ASAP3: variants seen among roughly 807,000 people sequenced by gnomAD.
ASAP3 encodes ArfGAP with SH3 domain, ankyrin repeat and PH domain 3.
A neutral mutation model predicts 118.2 loss-of-function variants in ASAP3; 85 were observed. The observed-to-expected ratio is 0.72, with a 90% CI of 0.60 to 0.86. ASAP3 has a LOEUF of 0.86. ASAP3 is among the 40% of genes least tolerant of loss of function. The pLI, the probability that ASAP3 is intolerant of heterozygous loss-of-function variation, is 0.00. For missense variants in ASAP3, 1,026 were observed against 1,175.0 expected (o/e 0.87, Z 1.85); for synonymous variants, 432 against 477.4 (o/e 0.90, Z 1.24).
intron 1 of ASAP3, among the ~76,000 whole-genome samples, chr1:23,482,579 C>G (rs540588543): frequency 1.3e-5 from 2 of 152,184 alleles, no homozygotes; most frequent in African/African-American, 4.8e-5. Context: ...CATTATTACC[C>G]CCATTCCACA....
At position 23,479,297 on chromosome 1, in the gene ASAP3, C is replaced by CA. The variant is rs1642233501; in HGVS notation, c.129+4707dup. Among the ~76,000 whole-genome samples the CA allele has an allele frequency of 2.0e-5, 3 of 152,138 alleles. No individual in the cohort carries two copies. The South Asian group carries it at 6.2e-4, about 32-fold the overall frequency. On this transcript the variant is annotated intron_variant, in intron 1 of 24. Transcript: ENST00000336689. ...AGAGGGAAGCAGAGGCAGGAGAGAA[C>CA]AAGAATGACGAAGCAGCTGCCTTAG... is the stretch of plus-strand genomic sequence containing the variant.
In ASAP3 at chr1:23,429,867, A is replaced by G; in HGVS notation, c.2701T>C (p.Leu901=). 2 of 1,613,774 alleles carry G rather than the reference A, an allele frequency of 1.2e-6. No homozygotes were observed. Among genetic ancestry groups the G allele is most frequent in the Non-Finnish European group, 1.7e-6 (2 of 1,179,848 alleles). The stretch of plus-strand genomic sequence containing the variant: ...GGGCCAGCAAGGAGCTAGTCTTGCA[A>G]AAGTTGCACAGAACTTGCTGGGAGA... The part of the protein sequence containing the change: ...GSLPASSVQL[L]QD The change falls in exon 25 of 25, where the codon TTG becomes CTG. Residue 901 remains leucine (L), a synonymous_variant. Coordinates refer to ENST00000336689, the MANE Select transcript of ASAP3 (RefSeq NM_017707.4).
chr1:23,439,263 C>T (rs1433307937), intron 10 of ASAP3, 33 bp from the exon 11 acceptor site: 1 of 1,605,942 alleles, frequency 6.2e-7, no homozygotes, highest in Non-Finnish European at 8.5e-7. Flanking sequence ...GACAGTGACC[C>T]AAGGCTCACA....
chr1:23,459,531 C>T (rs1641499704), intron 1 of ASAP3, among the ~76,000 whole-genome samples: 1 of 152,190 alleles, frequency 6.6e-6, no homozygotes, highest in East Asian at 1.9e-4. Context: ...GATTCTCTCT[C>T]CAAGGACTTT....
chr1:23,434,728 C>A (rs999001629), intron 17 of ASAP3, 110 bp from the exon 18 acceptor site: 18 of 1,058,278 alleles, frequency 1.7e-5, no homozygotes, highest in Non-Finnish European at 2.5e-5. Flanking sequence ...AGGAAGCTGC[C>A]AGAACCCTGG....
intron 1 of ASAP3, among the ~76,000 whole-genome samples, chr1:23,466,815 T>C (rs1641783714): frequency 6.6e-6 from 1 of 152,344 alleles, no homozygotes; most frequent in Non-Finnish European, 1.5e-5. Context: ...ACCATTATAA[T>C]ATAGTACATA....
Position 23,437,803 on chromosome 1 carries a change from GC to G in ASAP3, c.1103-332del, listed in dbSNP as rs896295085. On this transcript the variant is annotated intron_variant, in intron 12 of 24. Coordinates refer to ENST00000336689, the MANE Select transcript of ASAP3 (RefSeq NM_017707.4). This position sits in a 1 kb window ranked among gnomAD's most constrained non-coding sequence, Gnocchi z 6.1. ...GAACCAACTGTCACCACCCCACTGG[GC>G]CCTTCCTGGTCTCCTCCTGGGCGAC... Among the ~76,000 whole-genome samples the G allele has an allele frequency of 2.0e-5, 3 of 151,994 alleles. No individual in the cohort carries two copies. The highest frequency in any genetic ancestry group is 4.8e-5 in the African/African-American group (2 of 41,394).
intron 7 of ASAP3, 112 bp from the exon 8 acceptor site, chr1:23,441,842 T>C: frequency 8.8e-7 from 1 of 1,141,874 alleles, no homozygotes; most frequent in Non-Finnish European, 1.3e-6. Context: ...CAGGGAATTG[T>C]AGTCTGACGG....
intron 4 of ASAP3, 95 bp from the exon 5 acceptor site, chr1:23,451,623 C>T: frequency 7.4e-7 from 1 of 1,355,134 alleles, no homozygotes; most frequent in Admixed American, 1.8e-5. Context: ...TGCTAGTGTG[C>T]TCCCCTGAGC....
In ASAP3 at chr1:23,431,402, G is replaced by A. The variant is rs565238023; in HGVS notation, c.2547-277C>T. ...ATCCTGGGTTGGAGGTGGGGACAGA[G>A]TGAAGACCCCACTGAGAGCCTCTAG... On this transcript the variant is annotated intron_variant, in intron 23 of 24. Transcript: ENST00000336689. Among the ~76,000 whole-genome samples the A allele has an allele frequency of 4.6e-5, 7 of 152,360 alleles. No homozygotes were observed. The South Asian group carries it at 1.4e-3, about 32-fold the overall frequency.
Position 23,436,564 on chromosome 1 carries a change from C to T in ASAP3, c.1567G>A (p.Asp523Asn). 6.2e-7 allele frequency: 1 copy of T among 1,614,160 alleles called. No individual in the cohort carries two copies. Among genetic ancestry groups the T allele is most frequent in the Non-Finnish European group, 8.5e-7 (1 of 1,179,958 alleles). Residue 523 changes from aspartate (D) to asparagine (N), a missense_variant, in exon 16 of 25, where the codon GAC (aspartate) becomes AAC (asparagine). Transcript: ENST00000336689. The surrounding 1 kb of genome is among the most constrained non-coding windows in gnomAD (Gnocchi z 4.2). Reference protein sequence around the residue: ...HGGPKPSAESDMGTRRDYIMA... With the variant: ...HGGPKPSAESNMGTRRDYIMA... ...TCTCTCTGAGAATCCCCTTACATGT[C>T]ACTCTCAGCTGAGGGTTTAGGGCCG...
chr1:23,452,627 G>GC, intron 4 of ASAP3, 70 bp downstream of exon 4: 1 of 1,512,370 alleles, frequency 6.6e-7, no homozygotes, highest in Non-Finnish European at 9.2e-7. Flanking sequence ...GTCCAGCCCT[G>GC]CCCCCCAACA....
intron 1 of ASAP3, among the ~76,000 whole-genome samples, chr1:23,468,598 T>C (rs946409695): frequency 2.0e-5 from 3 of 151,974 alleles, no homozygotes; most frequent in African/African-American, 7.3e-5. Flanking sequence ...TTTGGCAGGG[T>C]GCGGTGGCTC....
chr1:23,437,030 T>C lies in ASAP3; in HGVS notation c.1357A>G (p.Ser453Gly), dbSNP rs1211150923. The C allele has an allele frequency of 6.2e-7, 1 of 1,611,336 alleles. No individual in the cohort carries two copies. The highest frequency in any genetic ancestry group is 1.3e-5 in the African/African-American group (1 of 75,030). Residue 453 changes from serine to glycine, a missense_variant, in exon 15 of 25, where the codon AGC becomes GGC. Ser to Gly is a moderately conservative substitution (Grantham distance 56). Coordinates refer to ENST00000336689, the MANE Select transcript of ASAP3 (RefSeq NM_017707.4). This position sits in a 1 kb window ranked among gnomAD's most constrained non-coding sequence, Gnocchi z 6.1. The part of the protein sequence containing the change: ...DCGAADPTWL[S>G]TNLGVLTCIQ... The stretch of plus-strand genomic sequence containing the variant: ...CAGGTGAGCACGCCCAGGTTGGTGC[T>C]GAGCCACGTGGGGTCTGCAGAGGAA...
chr1:23,479,220 T>G (rs1642230014), intron 1 of ASAP3, among the ~76,000 whole-genome samples: 1 of 152,210 alleles, frequency 6.6e-6, no homozygotes, highest in Non-Finnish European at 1.5e-5. Flanking sequence ...ATGGGGGCTG[T>G]GCTTTGGGGC....
intron 1 of ASAP3, among the ~76,000 whole-genome samples, chr1:23,473,066 T>C (rs1479632494): frequency 2.6e-5 from 4 of 152,170 alleles, no homozygotes; most frequent in African/African-American, 9.7e-5. Flanking sequence ...AAGGAGACCT[T>C]GTCTAGTTCT....
intron 22 of ASAP3, among the ~76,000 whole-genome samples, chr1:23,432,426 T>C (rs1640472355): frequency 6.6e-6 from 1 of 152,178 alleles, no homozygotes. Context: ...ACTTTTTTGC[T>C]TGTGCTCATA....
In ASAP3 at chr1:23,433,209, T is replaced by C. The variant is rs1374272725; in HGVS notation, c.2191A>G (p.Lys731Glu). The C allele has an allele frequency of 6.2e-6, 10 of 1,613,722 alleles. No homozygotes were observed. The East Asian group carries it at 1.8e-4, about 29-fold the overall frequency. ...WASGRLDISN[K>E]TYETVASLGA... ...AGGCTGGCGACAGTCTCATAGGTCTTGTTGCTGATGTCCAGCCTCCCACTG... is the reference window on the plus strand; with the variant it reads ...AGGCTGGCGACAGTCTCATAGGTCTCGTTGCTGATGTCCAGCCTCCCACTG... Residue 731 changes from lysine (K) to glutamate (E), a missense_variant, in exon 22 of 25, where the codon AAG becomes GAG. Lys to Glu is a moderately conservative substitution (Grantham distance 56). Transcript: ENST00000336689.
Position 23,431,114 on chromosome 1 carries a change from G to C in ASAP3, c.2558C>G (p.Thr853Ser). ...CCGCGCCCCCCGCCGATAGGAGCGAGTGCTCTCGGAGCTGGAAGGCAGGGA... is the reference window on the plus strand; with the variant it reads ...CCGCGCCCCCCGCCGATAGGAGCGACTGCTCTCGGAGCTGGAAGGCAGGGA... ...YLPVRFSSES[T>S]RSYRRGARSP... Residue 853 changes from threonine to serine, a missense_variant, in exon 24 of 25, where the codon ACT becomes AGT. Thr to Ser is a moderately conservative substitution (Grantham distance 58). Transcript: ENST00000336689. 2.5e-6 allele frequency: 4 copies of C among 1,589,686 alleles called. No homozygotes were observed. The highest frequency in any genetic ancestry group is 3.4e-6 in the Non-Finnish European group (4 of 1,168,534).
Sources: allele counts gnomAD v4.1 joint callset (sites outside exome capture counted in the v4.1 genomes callset), GRCh38; gene constraint gnomAD v4.1.1; non-coding constraint Gnocchi (gnomAD v3.1); transcripts MANE v1.5; gene names NCBI Gene and HGNC (gene_info 2026-07-23, HGNC 2026-07-21).